GRM7: variants seen among roughly 807,000 people sequenced by gnomAD.
GRM7 encodes the protein metabotropic glutamate receptor 7.
Under a neutral mutation model 84.5 loss-of-function variants are expected in GRM7, and 35 were observed. The observed-to-expected ratio is 0.41, with a 90% CI of 0.32 to 0.55. The LOEUF is 0.55. Among genes scored for constraint, GRM7 ranks in the 20% least tolerant of loss-of-function variants. GRM7 has a pLI of 0.19. For missense variants in GRM7, 1,003 were observed against 1,194.6 expected (o/e 0.84, Z 2.36); for synonymous variants, 487 against 455.1 (o/e 1.07, Z -0.89).
Position 7,308,072 on chromosome 3 carries a change from C to T in GRM7, c.1033+1420C>T, listed in dbSNP as rs117629187. On this transcript the variant is annotated intron_variant, in intron 4 of 9. Transcript: ENST00000357716. ...TCAGAGATACAGGGAAATGAAGGAACAGGACACATTAGGGAAAATACAAAT... is the reference window on the plus strand; with the variant it reads ...TCAGAGATACAGGGAAATGAAGGAATAGGACACATTAGGGAAAATACAAAT... 7.5e-4 allele frequency among the ~76,000 whole-genome samples: 114 copies of T among 152,292 alleles called. 2 individuals carry two copies. In the East Asian group the frequency reaches 0.021, roughly 28 times the overall value.
At chr3:7,336,226 G>T (rs1486173057) in intron 4 of GRM7, among the ~76,000 whole-genome samples, 2 of 151,970 alleles carry the variant, frequency 1.3e-5, no homozygotes, top group African/African-American at 4.8e-5. Flanking sequence ...CTGGGATGCA[G>T]GGTTGGTTTA....
At chr3:7,575,343 T>G (rs984887551) in intron 7 of GRM7, among the ~76,000 whole-genome samples, 3 of 152,236 alleles carry the variant, frequency 2.0e-5, no homozygotes, top group Non-Finnish European at 4.4e-5. Flanking sequence ...TTAATCTTTC[T>G]GCACCTTACA....
chr3:7,728,869 G>C (rs1163846562), intron 9 of GRM7, among the ~76,000 whole-genome samples: 2 of 152,178 alleles, frequency 1.3e-5, no homozygotes, highest in African/African-American at 4.8e-5. Context: ...TGTTCGTTTA[G>C]AATCCCACTG....
chr3:7,305,346 T>TAGAAAAC (rs1348865386), intron 3 of GRM7, among the ~76,000 whole-genome samples: 23 of 89,578 alleles, frequency 2.6e-4, no homozygotes, highest in East Asian at 8.3e-4. Context: ...TTTTTTTCTT[T>TAGAAAAC]TTTTTTTTTT....
chr3:7,562,625 G>A (rs1204628283), intron 7 of GRM7, among the ~76,000 whole-genome samples: 2 of 152,032 alleles, frequency 1.3e-5, no homozygotes, highest in Admixed American at 6.5e-5. Context: ...TATTAGTTAA[G>A]CAACATCACT....
At chr3:6,944,158 T>C (rs1479777919) in intron 1 of GRM7, among the ~76,000 whole-genome samples, 2 of 152,082 alleles carry the variant, frequency 1.3e-5, no homozygotes, top group Admixed American at 6.6e-5. Flanking sequence ...TTCATTTGCA[T>C]GGTTTTCTTT....
At chr3:7,010,094 T>C (rs1354157318) in intron 1 of GRM7, among the ~76,000 whole-genome samples, 2 of 152,088 alleles carry the variant, frequency 1.3e-5, no homozygotes, top group East Asian at 3.9e-4. Flanking sequence ...GAGCAGGGTG[T>C]GGGCCAGTAG....
At chr3:7,514,903 A>T (rs1020248011) in intron 7 of GRM7, among the ~76,000 whole-genome samples, 3 of 151,882 alleles carry the variant, frequency 2.0e-5, no homozygotes, top group African/African-American at 7.3e-5. Context: ...AAAACCTAAT[A>T]GTGTTTGGGA....
At chr3:7,216,653 C>G (rs1696623055) in intron 2 of GRM7, among the ~76,000 whole-genome samples, 1 of 152,100 alleles carries the variant, frequency 6.6e-6, no homozygotes, top group South Asian at 2.1e-4. Context: ...TAAAAATTCC[C>G]CAAATAAACT....
intron 4 of GRM7, among the ~76,000 whole-genome samples, chr3:7,366,870 A>G (rs202180521): frequency 0.036 from 1 of 28 alleles, no homozygotes; most frequent in Non-Finnish European, 0.062. Context: ...TTAATAAGAA[A>G]TAAAGTTTTA....
At chr3:7,534,957 C>T (rs1383483587) in intron 7 of GRM7, among the ~76,000 whole-genome samples, 6 of 152,108 alleles carry the variant, frequency 3.9e-5, no homozygotes, top group Non-Finnish European at 8.8e-5. Context: ...TACATGCGAG[C>T]TATTGCCCTC....
In GRM7 at chr3:7,079,046, A is replaced by G. The variant is rs1164082846; in HGVS notation, c.520-67406A>G. Among the ~76,000 whole-genome samples, 3 of 152,276 alleles carry G rather than the reference A, an allele frequency of 2.0e-5. No individual in the cohort carries two copies. In the East Asian group the frequency reaches 5.8e-4, roughly 29 times the overall value. On this transcript the variant is annotated intron_variant, in intron 1 of 9. Coordinates refer to ENST00000357716, the MANE Select transcript of GRM7 (RefSeq NM_000844.4). ...AAATTTAAGAAAACATGAATGCTGC[A>G]TTCTTTTAATATTTGTTATATAACG... is the stretch of plus-strand genomic sequence containing the variant.
chr3:7,617,361 T>C (rs1310143390), intron 8 of GRM7, among the ~76,000 whole-genome samples: 1 of 152,120 alleles, frequency 6.6e-6, no homozygotes, highest in Admixed American at 6.6e-5. Flanking sequence ...TTGGGTGTGC[T>C]AGATATCCAT....
Position 7,674,010 on chromosome 3 carries a change from C to A in GRM7, c.2452-6039C>A, listed in dbSNP as rs960456919. Among the ~76,000 whole-genome samples, 68 of 152,076 alleles carry A rather than the reference C, an allele frequency of 4.5e-4. 1 individual carries two copies. The highest frequency in any genetic ancestry group is 7.8e-4 in the Non-Finnish European group (53 of 68,032). ...AGAAAGGGGCAAATAAAGGAATTAT[C>A]CTGACTGGGGAGATGGGGAATGGTT... On this transcript the variant is annotated intron_variant, in intron 8 of 9. Coordinates refer to ENST00000357716, the MANE Select transcript of GRM7 (RefSeq NM_000844.4).
chr3:7,382,684 A>G (rs1334139885), intron 4 of GRM7, among the ~76,000 whole-genome samples: 3 of 152,266 alleles, frequency 2.0e-5, no homozygotes, highest in Non-Finnish European at 2.9e-5. Flanking sequence ...AAGGAAAAAA[A>G]TAAAGTAGTC....
intron 1 of GRM7, among the ~76,000 whole-genome samples, chr3:6,923,074 G>A (rs1459543413): frequency 6.6e-6 from 1 of 151,640 alleles, no homozygotes; most frequent in Non-Finnish European, 1.5e-5. Flanking sequence ...GAGTACACTT[G>A]CGGAATCTCG....
intron 4 of GRM7, among the ~76,000 whole-genome samples, chr3:7,344,628 G>T (rs979442073): frequency 6.6e-6 from 1 of 152,160 alleles, no homozygotes; most frequent in African/African-American, 2.4e-5. Flanking sequence ...CGTGCAACAT[G>T]GAAGAACCTG....
chr3:7,558,979 A>G (rs1026008192), intron 7 of GRM7, among the ~76,000 whole-genome samples: 10 of 152,172 alleles, frequency 6.6e-5, no homozygotes, highest in Non-Finnish European at 1.3e-4. Flanking sequence ...GAAGATGTCA[A>G]TTAACCCTAA....
intron 5 of GRM7, among the ~76,000 whole-genome samples, chr3:7,415,793 T>G (rs568931079): frequency 5.3e-5 from 8 of 152,270 alleles, no homozygotes; most frequent in Admixed American, 2.0e-4. Flanking sequence ...GTGAGCAAAC[T>G]AAGTGAGAAT....
Sources: allele counts gnomAD v4.1 joint callset (sites outside exome capture counted in the v4.1 genomes callset), GRCh38; gene constraint gnomAD v4.1.1; transcripts MANE v1.5; gene names NCBI Gene and HGNC (gene_info 2026-07-23, HGNC 2026-07-21).